MYO5A: variants seen among roughly 807,000 people sequenced by gnomAD.
The protein encoded by MYO5A is unconventional myosin-Va.
A neutral mutation model predicts 249.7 loss-of-function variants in MYO5A; 98 were observed. The observed-to-expected ratio is 0.39, with a 90% CI of 0.33 to 0.46. The LOEUF (loss-of-function observed/expected upper bound fraction) is 0.46. Among genes scored for constraint, MYO5A ranks in the 20% least tolerant of loss-of-function variants. The pLI, the probability that MYO5A is intolerant of heterozygous loss-of-function variation, is 0.98. For synonymous variants in MYO5A, 778 were observed against 810.6 expected, an observed-to-expected ratio of 0.96 and a Z score of 0.68; for missense variants, 1,696 against 2,308.8, an observed-to-expected ratio of 0.73 and a Z score of 5.44.
Position 52,330,492 on chromosome 15 carries a change from C to T in MYO5A, c.4416G>A (p.Gln1472=), listed in dbSNP as rs757920834. 2.5e-6 allele frequency: 4 copies of T among 1,614,080 alleles called. No individual in the cohort carries two copies. The highest frequency in any genetic ancestry group is 3.4e-6 in the Non-Finnish European group (4 of 1,179,970). Residue 1472 remains glutamine, a synonymous_variant, in exon 35 of 42, where the codon CAG becomes CAA. Coordinates refer to ENST00000399233, the MANE Select transcript of MYO5A (RefSeq NM_001382347.1). The stretch of plus-strand genomic sequence containing the variant: ...TCTGTCCTGGGGATATGTTCTCCAT[C>T]TGGCCCACTTTATGAGAAGTAAGAA... ...AKKIGELEVG[Q]MENISPGQII...
At chr15:52,447,580 A>C (rs1297707177) in intron 1 of MYO5A, among the ~76,000 whole-genome samples, 1 of 152,150 alleles carries the variant, frequency 6.6e-6, no homozygotes, top group Non-Finnish European at 1.5e-5. Context: ...AGGTTCAAAC[A>C]GTTTGGAGGG....
At position 52,428,589 on chromosome 15, in the gene MYO5A, A is replaced by G. The variant is rs1432807476; in HGVS notation, c.139-20T>C. ...CAAATCCTGAAAATGCACAAGGCAC[A>G]GCATCTGGATGAATTATGGCAAGGA... On this transcript the variant is annotated intron_variant, in intron 2 of 41. Transcript: ENST00000399233. 5.0e-6 allele frequency: 8 copies of G among 1,613,714 alleles called. No homozygotes were observed. The Admixed American group carries it at 8.3e-5, about 17-fold the overall frequency.
intron 4 of MYO5A, among the ~76,000 whole-genome samples, chr15:52,417,687 G>A (rs897495225): frequency 6.6e-6 from 1 of 152,192 alleles, no homozygotes; most frequent in African/African-American, 2.4e-5. Flanking sequence ...GCAGGAGTGA[G>A]CTAGTCATCA....
intron 13 of MYO5A, among the ~76,000 whole-genome samples, chr15:52,388,367 G>A (rs11856896): frequency 0.15 from 22,957 of 152,192 alleles, 1,828 homozygotes; most frequent in Middle Eastern, 0.22. Flanking sequence ...ATGGATGAAG[G>A]TGAAGGCTGG....
chr15:52,318,849 G>C (rs2038159236), intron 39 of MYO5A, among the ~76,000 whole-genome samples: 1 of 152,192 alleles, frequency 6.6e-6, no homozygotes, highest in Non-Finnish European at 1.5e-5. Context: ...AGAACCTGTT[G>C]GCAGGGTACA....
chr15:52,384,467 G>A (rs2041891593), intron 14 of MYO5A, 145 bp from the exon 15 acceptor site: 2 of 832,752 alleles, frequency 2.4e-6, no homozygotes, highest in Non-Finnish European at 3.9e-6. Context: ...TGTGCTAAGA[G>A]CCAAGAATAT....
At chr15:52,329,986 TTC>T in intron 35 of MYO5A, among the ~76,000 whole-genome samples, 1 of 145,840 alleles carries the variant, frequency 6.9e-6, no homozygotes, top group African/African-American at 2.6e-5. Context: ...TTTTTTCTTT[TTC>T]TTTTTTTTTT....
In MYO5A at chr15:52,426,770, T is replaced by C. The variant is rs147049087; in HGVS notation, c.311-796A>G. ...CACAGCACAGGTGAGTTACATATAA[T>C]TGTTTTTCCTTTTTTATACTTTTCT... On this transcript the variant is annotated intron_variant, in intron 3 of 41. Transcript: ENST00000399233. Among the ~76,000 whole-genome samples the C allele has an allele frequency of 7.6e-4, 116 of 152,348 alleles. 1 individual carries two copies. In the South Asian group the frequency reaches 9.1e-3, roughly 12 times the overall value.
intron 12 of MYO5A, 88 bp from the exon 13 acceptor site, chr15:52,389,451 T>TA: frequency 7.3e-7 from 1 of 1,376,946 alleles, no homozygotes. Context: ...CTTTTATTTT[T>TA]TTTTTTTGGC....
chr15:52,483,677 G>A (rs1028970443), intron 1 of MYO5A, among the ~76,000 whole-genome samples: 1 of 152,094 alleles, frequency 6.6e-6, no homozygotes. Flanking sequence ...ATGGATTAAG[G>A]TATTTTAATT....
chr15:52,350,733 T>C (rs1241028181), intron 28 of MYO5A, among the ~76,000 whole-genome samples: 2 of 152,170 alleles, frequency 1.3e-5, no homozygotes, highest in Admixed American at 6.5e-5. Flanking sequence ...TCCTCTCTGT[T>C]GAATCCTTAA....
At chr15:52,314,927 TAACACA>T (rs1427180461) in intron 40 of MYO5A, among the ~76,000 whole-genome samples, 1 of 152,176 alleles carries the variant, frequency 6.6e-6, no homozygotes, top group African/African-American at 2.4e-5. Context: ...ATGTGGCTAT[TAACACA>T]AAATGAAAAT....
chr15:52,517,139 C>T (rs2077511824), intron 1 of MYO5A, among the ~76,000 whole-genome samples: 1 of 152,196 alleles, frequency 6.6e-6, no homozygotes, highest in Non-Finnish European at 1.5e-5. Flanking sequence ...CATCTGGTCA[C>T]CCTATCCCTC....
chr15:52,450,843 GT>G (rs56842960), intron 1 of MYO5A, among the ~76,000 whole-genome samples: 10,331 of 83,930 alleles, frequency 0.12, 189 homozygotes, highest in East Asian at 0.23. Context: ...CACTACTGTG[GT>G]TTTTTTTTTT....
rs890549414 is a variant in MYO5A, at chr15:52,310,541, T to C, written c.*3155A>G. The C allele has an allele frequency of 6.7e-6, 1 of 148,630 alleles. No individual in the cohort carries two copies. Among genetic ancestry groups the C allele is most frequent in the Non-Finnish European group, 1.5e-5 (1 of 66,418 alleles). 9.2% of individuals were successfully genotyped at this position (148,630 alleles called of 1,614,324 possible). ...ATGACTGATCTTCTGAAGGAATGCA[T>C]GCAGAGAAGTAAGAACAACAAGGAC... is the stretch of plus-strand genomic sequence containing the variant. On this transcript the variant is annotated 3_prime_UTR_variant, in exon 42 of 42. Transcript: ENST00000399233.
At chr15:52,498,401 T>C (rs1441698974) in intron 1 of MYO5A, among the ~76,000 whole-genome samples, 1 of 152,208 alleles carries the variant, frequency 6.6e-6, no homozygotes, top group Admixed American at 6.5e-5. Flanking sequence ...TATATTGTGT[T>C]AAACTGCCCT....
rs981037798 is a variant in MYO5A at position 52,336,521 on chromosome 15, C to T, written c.4350G>A (p.Thr1450=). 9 of 1,608,064 alleles carry T rather than the reference C, an allele frequency of 5.6e-6. No individual in the cohort carries two copies. The highest frequency in any genetic ancestry group is 2.2e-5 in the East Asian group (1 of 44,824). The change falls in exon 34 of 42, where the codon ACG becomes ACA. Residue 1450 remains threonine (T), a synonymous_variant. Coordinates refer to ENST00000399233, the MANE Select transcript of MYO5A (RefSeq NM_001382347.1). The stretch of plus-strand genomic sequence containing the variant: ...TCAGTTGTTTTTTCAGTTTACGGAC[C>T]GTCTTATCCTGTTTTTCAAGTTGTT... ...LMEQLEKQDK[T]VRKLKKQLKV...
intron 1 of MYO5A, among the ~76,000 whole-genome samples, chr15:52,451,334 C>T (rs778218195): frequency 2.0e-5 from 3 of 152,140 alleles, no homozygotes; most frequent in African/African-American, 7.2e-5. Flanking sequence ...ACAGCCACCA[C>T]CAAATCCTAG....
At chr15:52,373,052 T>C (rs1335150344) in intron 20 of MYO5A, among the ~76,000 whole-genome samples, 1 of 152,006 alleles carries the variant, frequency 6.6e-6, no homozygotes, top group Non-Finnish European at 1.5e-5. Flanking sequence ...ATTTCAAATG[T>C]AGCAAGGATC....
Sources: gnomAD v4.1 joint callset for allele counts (sites outside exome capture counted in the v4.1 genomes callset) on GRCh38, gnomAD v4.1.1 for gene constraint, MANE v1.5 for transcripts, NCBI Gene and HGNC (gene_info 2026-07-23, HGNC 2026-07-21) for gene names.